GRB10: variants seen among roughly 807,000 people sequenced by gnomAD.
GRB10 encodes the protein growth factor receptor-bound protein 10.
In GRB10, 20 loss-of-function variants were observed where a neutral mutation model predicts 80.9. The ratio of observed to expected loss-of-function variants is 0.25; its 90% CI spans 0.17 to 0.36. The LOEUF is 0.36. Among genes scored for constraint, GRB10 ranks in the 10% least tolerant of loss-of-function variants. GRB10 has a pLI of 1.00. For missense variants in GRB10, 548 were observed against 747.7 expected (o/e 0.73, Z 3.12); for synonymous variants, 291 against 291.5 (o/e 1.00, Z 0.02).
chr7:50,653,182 G>A (rs563692500), intron 7 of GRB10, among the ~76,000 whole-genome samples: 5 of 152,274 alleles, frequency 3.3e-5, no homozygotes, highest in African/African-American at 1.2e-4. Context: ...CAGCAGGCAG[G>A]CACCGTCTTC....
chr7:50,768,009 G>GTT, intron 2 of GRB10, among the ~76,000 whole-genome samples: 1 of 152,110 alleles, frequency 6.6e-6, no homozygotes, highest in East Asian at 1.9e-4. Flanking sequence ...CTACACTGGG[G>GTT]TTCTGAGTGA....
chr7:50,679,454 G>T (rs1271012223), intron 5 of GRB10, among the ~76,000 whole-genome samples: 2 of 152,144 alleles, frequency 1.3e-5, no homozygotes, highest in Non-Finnish European at 2.9e-5. Flanking sequence ...GCACCATCTA[G>T]TGTCTTCTTT....
upstream of GRB10, among the ~76,000 whole-genome samples, chr7:50,787,849 AC>A (rs1296470553): frequency 6.6e-6 from 1 of 152,146 alleles, no homozygotes; most frequent in Non-Finnish European, 1.5e-5. Context: ...CTCAGGTAAC[AC>A]CCCTGCAGCC....
chr7:50,742,569 G>T (rs1360362495), intron 3 of GRB10, among the ~76,000 whole-genome samples: 1 of 152,136 alleles, frequency 6.6e-6, no homozygotes, highest in Non-Finnish European at 1.5e-5. Context: ...CTCAGTGGAG[G>T]GGGTGTGGTC....
chr7:50,728,953 G>T (rs1437033146), intron 4 of GRB10, among the ~76,000 whole-genome samples: 5 of 152,196 alleles, frequency 3.3e-5, no homozygotes, highest in Non-Finnish European at 5.9e-5. Flanking sequence ...TTACAGGCGT[G>T]AGCCACCAAG....
intron 4 of GRB10, chr7:50,710,942 A>G: frequency 3.1e-6 from 5 of 1,602,022 alleles, no homozygotes; most frequent in Non-Finnish European, 4.3e-6. Flanking sequence ...TACAGTGGGT[A>G]TCACGTGGCT....
At chr7:50,756,916 T>C (rs781040919) in intron 2 of GRB10, among the ~76,000 whole-genome samples, 12 of 152,174 alleles carry the variant, frequency 7.9e-5, no homozygotes, top group Non-Finnish European at 1.6e-4. Context: ...AAGGGTGCCA[T>C]CCAGGAGCCT....
chr7:50,606,443 C>T lies in GRB10; in HGVS notation c.1195-29G>A, dbSNP rs758052840. ...GAGAGGAGAAGCCACAGTTAGTCAC[C>T]GGCCCGGGAGCCCCGAGGCCCGGCA... On this transcript the variant is annotated intron_variant, in intron 13 of 18. Coordinates refer to ENST00000401949, the MANE Select transcript of GRB10 (RefSeq NM_001350814.2). 3.1e-5 allele frequency: 49 copies of T among 1,570,912 alleles called. No homozygotes were observed. The African/African-American group carries it at 3.2e-4, about 10-fold the overall frequency.
intron 4 of GRB10, chr7:50,725,956 C>T (rs1244973982): frequency 1.3e-5 from 2 of 152,208 alleles, no homozygotes; most frequent in Non-Finnish European, 2.9e-5. Flanking sequence ...GGCTTGACCC[C>T]GTACGCCTGA....
intron 10 of GRB10, chr7:50,617,749 C>G (rs566617958): frequency 2.3e-6 from 1 of 433,602 alleles, no homozygotes; most frequent in Non-Finnish European, 4.2e-6. Flanking sequence ...GGGGAGGGAG[C>G]CCTGAGACTG....
At chr7:50,601,741 G>A (rs1359504733) in intron 17 of GRB10, among the ~76,000 whole-genome samples, 5 of 151,650 alleles carry the variant, frequency 3.3e-5, no homozygotes, top group East Asian at 1.9e-4. Flanking sequence ...CAATATCAAC[G>A]TGAACCCAAC....
chr7:50,629,636 C>G (rs892610258), intron 7 of GRB10, among the ~76,000 whole-genome samples: 1 of 152,198 alleles, frequency 6.6e-6, no homozygotes, highest in Non-Finnish European at 1.5e-5. Context: ...CTCAAACCAC[C>G]CAGTCAACGC....
At chr7:50,598,338 A>T (rs1488060827) in intron 17 of GRB10, among the ~76,000 whole-genome samples, 2 of 152,224 alleles carry the variant, frequency 1.3e-5, no homozygotes, top group East Asian at 3.8e-4. Flanking sequence ...ATGCCCAGGG[A>T]GAAGCTAAGC....
At position 50,616,251 on chromosome 7, in the gene GRB10, G is replaced by C. The variant is rs368562566; in HGVS notation, c.943C>G (p.Arg315Gly). ...KSWKKLYVCLRRSGLYCSTKG... is the reference protein window; with the variant it reads ...KSWKKLYVCLGRSGLYCSTKG... ...GTGGAGCAATAAAGGCCAGATCTCCGCAAACACACATACAGCTTTTTCCAT... is the reference window on the plus strand; with the variant it reads ...GTGGAGCAATAAAGGCCAGATCTCCCCAAACACACATACAGCTTTTTCCAT... The change falls in exon 11 of 19, where the codon CGG (arginine) becomes GGG (glycine). Residue 315 changes from arginine to glycine, a missense_variant. Arg to Gly is a moderately radical substitution (Grantham distance 125). Coordinates refer to ENST00000401949, the MANE Select transcript of GRB10 (RefSeq NM_001350814.2). 1.2e-6 allele frequency: 2 copies of C among 1,614,012 alleles called. No homozygotes were observed. Among genetic ancestry groups the C allele is most frequent in the Non-Finnish European group, 1.7e-6 (2 of 1,179,998 alleles).
intron 7 of GRB10, among the ~76,000 whole-genome samples, chr7:50,631,608 G>A (rs1192634249): frequency 3.3e-5 from 5 of 152,248 alleles, no homozygotes; most frequent in African/African-American, 1.2e-4. Flanking sequence ...ACAGGGCCAA[G>A]TGGAGGCATT....
chr7:50,645,069 G>T (rs984093797), intron 7 of GRB10, among the ~76,000 whole-genome samples: 6 of 152,092 alleles, frequency 3.9e-5, no homozygotes, highest in Non-Finnish European at 8.8e-5. Flanking sequence ...ATCATTTAGG[G>T]CTATAATTTT....
chr7:50,653,233 C>A (rs1006075554), intron 7 of GRB10, among the ~76,000 whole-genome samples: 1 of 152,176 alleles, frequency 6.6e-6, no homozygotes, highest in African/African-American at 2.4e-5. Context: ...CCAGTGCATG[C>A]TCCGAGGGAG....
intron 6 of GRB10, among the ~76,000 whole-genome samples, chr7:50,672,999 C>T (rs2060517666): frequency 6.6e-6 from 1 of 152,194 alleles, no homozygotes; most frequent in South Asian, 2.1e-4. Context: ...AGGCAGCTGA[C>T]CACGGGCGCC....
intron 4 of GRB10, among the ~76,000 whole-genome samples, chr7:50,727,514 TTC>T (rs1277663160): frequency 2.0e-5 from 3 of 152,380 alleles, no homozygotes; most frequent in African/African-American, 7.2e-5. Context: ...TTTCAACTGA[TTC>T]TGTTAGTTAC....
Sources: gnomAD v4.1 joint callset for allele counts (sites outside exome capture counted in the v4.1 genomes callset) on GRCh38, gnomAD v4.1.1 for gene constraint, MANE v1.5 for transcripts, NCBI Gene and HGNC (gene_info 2026-07-23, HGNC 2026-07-21) for gene names.